The following CYP19A1 variants were observed in gnomAD, a reference collection of about 807,000 sequenced individuals.
CYP19A1 encodes the protein aromatase.
In CYP19A1, 32 loss-of-function variants were observed where a neutral mutation model predicts 44.4. That is an observed-to-expected ratio of 0.72 (90% CI 0.54 to 0.97). The LOEUF is 0.97. CYP19A1 is among the 50% of genes least tolerant of loss of function. CYP19A1 has a pLI of 0.00. For missense variants in CYP19A1, 598 were observed against 637.8 expected (o/e 0.94, Z 0.67); for synonymous variants, 212 against 215.6 (o/e 0.98, Z 0.14).
At position 51,286,704 on chromosome 15, in the gene CYP19A1, C is replaced by G. The variant is rs564157681; in HGVS notation, c.-38-43754G>C. 5.9e-5 allele frequency among the ~76,000 whole-genome samples: 9 copies of G among 152,324 alleles called. No homozygotes were observed. In the East Asian group the frequency reaches 1.7e-3, roughly 29 times the overall value. Reference sequence around the variant, plus strand: ...CCTCCTCCATTCTACTCTCACCCCACTCAGGGTTCCCCAGCTGTTTTCATT... The same window carrying G: ...CCTCCTCCATTCTACTCTCACCCCAGTCAGGGTTCCCCAGCTGTTTTCATT... On this transcript the variant is annotated intron_variant, in intron 1 of 9. Coordinates refer to ENST00000396402, the MANE Select transcript of CYP19A1 (RefSeq NM_000103.4).
At chr15:51,239,615 A>G (rs1294174114) in intron 2 of CYP19A1, among the ~76,000 whole-genome samples, 1 of 151,444 alleles carries the variant, frequency 6.6e-6, no homozygotes, top group African/African-American at 2.4e-5. Flanking sequence ...CTGGGATGTG[A>G]AATTATGTGG....
chr15:51,270,184 G>GTT (rs3078032), intron 1 of CYP19A1, among the ~76,000 whole-genome samples: 65,185 of 148,944 alleles, frequency 0.44, 14,174 homozygotes, highest in African/African-American at 0.46. Flanking sequence ...GTATTCTTTG[G>GTT]TTTTTTTTTT....
At chr15:51,225,648 A>G (rs902989581) in intron 4 of CYP19A1, among the ~76,000 whole-genome samples, 1 of 152,142 alleles carries the variant, frequency 6.6e-6, no homozygotes, top group African/African-American at 2.4e-5. Context: ...CTCCCCCAAC[A>G]TGAGTGATAG....
chr15:51,231,472 C>T (rs2033028113), intron 3 of CYP19A1, among the ~76,000 whole-genome samples: 2 of 151,890 alleles, frequency 1.3e-5, no homozygotes, highest in Admixed American at 6.6e-5. Flanking sequence ...ATTAAAATAC[C>T]CTTCCCTGAA....
At chr15:51,274,021 ACACAC>A (rs2035218975) in intron 1 of CYP19A1, among the ~76,000 whole-genome samples, 3 of 152,128 alleles carry the variant, frequency 2.0e-5, no homozygotes, top group East Asian at 3.9e-4. Context: ...ACACACACAC[ACACAC>A]AAAAGACATA....
intron 1 of CYP19A1, among the ~76,000 whole-genome samples, chr15:51,291,575 G>T (rs1022596455): frequency 6.6e-6 from 1 of 152,182 alleles, no homozygotes; most frequent in African/African-American, 2.4e-5. Context: ...TGACTCCAAA[G>T]TCTTGATAAT....
At chr15:51,240,293 C>T (rs202150542) in intron 2 of CYP19A1, among the ~76,000 whole-genome samples, 13 of 152,096 alleles carry the variant, frequency 8.5e-5, no homozygotes, top group Non-Finnish European at 1.6e-4. Context: ...CTAGAAGAAG[C>T]TTAGATATGA....
intron 1 of CYP19A1, chr15:51,318,785 ATTCT>A (rs2036475637): frequency 6.6e-6 from 1 of 152,240 alleles, no homozygotes; most frequent in Non-Finnish European, 1.5e-5. Context: ...TCGAGCTGAC[ATTCT>A]TTCAGGAAAC....
intron 1 of CYP19A1, among the ~76,000 whole-genome samples, chr15:51,331,292 CT>C (rs1410738362): frequency 6.6e-6 from 1 of 152,208 alleles, no homozygotes; most frequent in Non-Finnish European, 1.5e-5. Flanking sequence ...GAGGCTGCCC[CT>C]GGAGAGCTGG....
intron 3 of CYP19A1, among the ~76,000 whole-genome samples, chr15:51,228,693 A>G (rs1386352133): frequency 2.0e-5 from 3 of 152,246 alleles, no homozygotes; most frequent in Admixed American, 6.5e-5. Context: ...GGCAATTTGC[A>G]TGATGCTCAA....
intron 1 of CYP19A1, among the ~76,000 whole-genome samples, chr15:51,320,004 C>T (rs941005568): frequency 2.6e-5 from 4 of 152,230 alleles, no homozygotes; most frequent in African/African-American, 4.8e-5. Flanking sequence ...CATTTGTTCA[C>T]GTATATTAAC....
intron 1 of CYP19A1, among the ~76,000 whole-genome samples, chr15:51,308,141 A>G (rs1177926227): frequency 6.6e-6 from 1 of 152,156 alleles, no homozygotes; most frequent in African/African-American, 2.4e-5. Flanking sequence ...GGTTCCCGCA[A>G]CCCTCCTGGA....
chr15:51,313,674 A>G lies in CYP19A1; in HGVS notation c.-39+24821T>C, dbSNP rs28757096. 1.9e-3 allele frequency among the ~76,000 whole-genome samples: 293 copies of G among 152,106 alleles called. 3 individuals carry two copies. Among genetic ancestry groups the G allele is most frequent in the African/African-American group, 6.9e-3 (286 of 41,526 alleles). On this transcript the variant is annotated intron_variant, in intron 1 of 9. Coordinates refer to ENST00000396402, the MANE Select transcript of CYP19A1 (RefSeq NM_000103.4). The stretch of plus-strand genomic sequence containing the variant: ...TAGCTGGGCATGGTGGCGGGCATCT[A>G]TAATCCCAGCTACTCAGGAGGCTGA...
rs189545918 is a variant in CYP19A1 at position 51,239,827 on chromosome 15, A to G, written c.146-2818T>C. Among the ~76,000 whole-genome samples the G allele has an allele frequency of 1.1e-4, 16 of 152,290 alleles. No homozygotes were observed. In the South Asian group the frequency reaches 1.2e-3, roughly 12 times the overall value. ...GTTTTCTGTGAAATATTATCTTAAG[A>G]AAAAGAGGAATGTCAGTTGCCATGC... is the stretch of plus-strand genomic sequence containing the variant. On this transcript the variant is annotated intron_variant, in intron 2 of 9. Coordinates refer to ENST00000396402, the MANE Select transcript of CYP19A1 (RefSeq NM_000103.4).
At chr15:51,224,539 A>G (rs1385988379) in intron 4 of CYP19A1, among the ~76,000 whole-genome samples, 1 of 152,152 alleles carries the variant, frequency 6.6e-6, no homozygotes, top group Non-Finnish European at 1.5e-5. Flanking sequence ...TCCAAGTACT[A>G]TAGGCTCTAC....
chr15:51,295,828 G>A (rs1445550544), intron 1 of CYP19A1, among the ~76,000 whole-genome samples: 1 of 152,154 alleles, frequency 6.6e-6, no homozygotes. Context: ...AGGAAGTCCT[G>A]GCAGCACGGA....
chr15:51,299,554 A>G (rs1284632122), intron 1 of CYP19A1, among the ~76,000 whole-genome samples: 1 of 152,214 alleles, frequency 6.6e-6, no homozygotes, highest in Non-Finnish European at 1.5e-5. Flanking sequence ...CTGCTTTGCC[A>G]CAGCTGCTCA....
At chr15:51,306,537 A>G (rs1463889975) in intron 1 of CYP19A1, among the ~76,000 whole-genome samples, 1 of 152,222 alleles carries the variant, frequency 6.6e-6, no homozygotes, top group African/African-American at 2.4e-5. Context: ...ATAGCTTAAA[A>G]AAAACCCTTT....
At chr15:51,222,143 T>C in intron 5 of CYP19A1, 1 of 828,836 alleles carries the variant, frequency 1.2e-6, no homozygotes, top group Admixed American at 2.9e-5. Flanking sequence ...AAAAGGCTAG[T>C]AGATGCTGGC....
Sources: allele counts gnomAD v4.1 joint callset (sites outside exome capture counted in the v4.1 genomes callset), GRCh38; gene constraint gnomAD v4.1.1; transcripts MANE v1.5; gene names NCBI Gene and HGNC (gene_info 2026-07-23, HGNC 2026-07-21).